LEPR: variants seen among roughly 807,000 people sequenced by gnomAD.
The protein encoded by LEPR is OB receptor.
In LEPR, 56 loss-of-function variants were observed where a neutral mutation model predicts 114.7. The ratio of observed to expected loss-of-function variants is 0.49; its 90% CI spans 0.39 to 0.61. LEPR has a LOEUF of 0.61. LEPR is among the 20% of genes least tolerant of loss of function. The pLI is 0.00. For synonymous variants in LEPR, 443 were observed against 461.4 expected (o/e 0.96, Z 0.51); for missense variants, 1,202 against 1,352.9 (o/e 0.89, Z 1.75).
intron 2 of LEPR, among the ~76,000 whole-genome samples, chr1:65,472,197 A>T (rs6704167): frequency 0.34 from 50,720 of 150,396 alleles, 9,289 homozygotes; most frequent in Middle Eastern, 0.43. Flanking sequence ...CGTTTTTTTT[A>T]AAAAAGCATA....
At chr1:65,626,126 A>G (rs1162146032) in intron 19 of LEPR, 1 of 1,612,150 alleles carries the variant, frequency 6.2e-7, no homozygotes, top group African/African-American at 1.3e-5. Flanking sequence ...TTTCCAGAAA[A>G]TGCCTGGCAC....
chr1:65,521,137 G>A (rs753372926), intron 2 of LEPR, among the ~76,000 whole-genome samples: 10 of 152,334 alleles, frequency 6.6e-5, no homozygotes, highest in African/African-American at 2.2e-4. Flanking sequence ...AGACGATTCC[G>A]ATGATTCTGG....
At chr1:65,518,925 C>CTCTT (rs775418347) in intron 2 of LEPR, among the ~76,000 whole-genome samples, 6 of 124,888 alleles carry the variant, frequency 4.8e-5, no homozygotes, top group African/African-American at 1.8e-4. Flanking sequence ...TTCTCTCTTT[C>CTCTT]TCTGTTTCTT....
At chr1:65,541,472 A>G (rs1651188759) in intron 2 of LEPR, among the ~76,000 whole-genome samples, 1 of 152,064 alleles carries the variant, frequency 6.6e-6, no homozygotes, top group East Asian at 1.9e-4. Context: ...ACTTGAAATT[A>G]TGTTTTCCAA....
intron 1 of LEPR, 90 bp downstream of exon 1, chr1:65,420,830 TGGGG>T: frequency 6.8e-7 from 1 of 1,478,052 alleles, no homozygotes; most frequent in Non-Finnish European, 9.2e-7. Flanking sequence ...CGCGCGCCGT[TGGGG>T]AACGGCCTCA....
intron 11 of LEPR, among the ~76,000 whole-genome samples, chr1:65,606,860 C>T (rs17127767): frequency 1.6e-4 from 24 of 151,948 alleles, no homozygotes; most frequent in African/African-American, 3.4e-4. Flanking sequence ...CTTTACATGA[C>T]GGAAAAAGTT....
chr1:65,507,922 A>C (rs1046759419), intron 2 of LEPR, among the ~76,000 whole-genome samples: 7 of 152,168 alleles, frequency 4.6e-5, no homozygotes, highest in African/African-American at 1.4e-4. Context: ...TTTAATATGC[A>C]TTTCTCTGAT....
At chr1:65,455,695 C>T (rs1232591891) in intron 2 of LEPR, among the ~76,000 whole-genome samples, 1 of 152,218 alleles carries the variant, frequency 6.6e-6, no homozygotes, top group South Asian at 2.1e-4. Context: ...AGCTGTCAGA[C>T]AGGGACATTT....
At chr1:65,453,530 G>A (rs1469005853) in intron 2 of LEPR, among the ~76,000 whole-genome samples, 36 of 151,918 alleles carry the variant, frequency 2.4e-4, no homozygotes, top group African/African-American at 8.0e-4. Flanking sequence ...CCTTCATTTT[G>A]TTATGTACCC....
chr1:65,499,267 A>T (rs1648319594), intron 2 of LEPR, among the ~76,000 whole-genome samples: 1 of 152,174 alleles, frequency 6.6e-6, no homozygotes, highest in Non-Finnish European at 1.5e-5. Flanking sequence ...TAAGTCAAGA[A>T]TATAGCGAGT....
intron 2 of LEPR, among the ~76,000 whole-genome samples, chr1:65,472,411 A>AACACACACACAC (rs71721804): frequency 0.24 from 31,624 of 133,018 alleles, 4,829 homozygotes; most frequent in Non-Finnish European, 0.33. Context: ...CTGTGGCTAA[A>AACACACACACAC]ACACACACAC....
intron 2 of LEPR, among the ~76,000 whole-genome samples, chr1:65,504,647 C>T (rs1470987512): frequency 6.6e-6 from 1 of 152,144 alleles, no homozygotes; most frequent in Non-Finnish European, 1.5e-5. Flanking sequence ...CAAGAGCAGT[C>T]TACGGTGGCA....
Position 65,601,644 on chromosome 1 carries a change from A to G in LEPR, c.1247A>G (p.His416Arg). 6.2e-7 allele frequency: 1 copy of G among 1,613,722 alleles called. No individual in the cohort carries two copies. The highest frequency in any genetic ancestry group is 8.5e-7 in the Non-Finnish European group (1 of 1,179,726). The part of the protein sequence containing the change: ...TYDAVYCCNE[H>R]ECHHRYAELY... ...GATGCAGTGTACTGCTGCAATGAACATGAATGCCATCATCGCTATGCTGAA... is the reference window on the plus strand; with the variant it reads ...GATGCAGTGTACTGCTGCAATGAACGTGAATGCCATCATCGCTATGCTGAA... The change falls in exon 9 of 20, where the codon CAT becomes CGT. Residue 416 changes from histidine (H) to arginine (R), a missense_variant. Transcript: ENST00000349533.
chr1:65,436,687 A>G lies in LEPR; in HGVS notation c.-21+11309A>G, dbSNP rs1646567756. 2.0e-5 allele frequency among the ~76,000 whole-genome samples: 3 copies of G among 152,174 alleles called. No individual in the cohort carries two copies. In the South Asian group the frequency reaches 6.2e-4, roughly 31 times the overall value. On this transcript the variant is annotated intron_variant, in intron 2 of 19. Coordinates refer to ENST00000349533, the MANE Select transcript of LEPR (RefSeq NM_002303.6). ...AATCCTGAGATTGCTCATTTGGAGA[A>G]GAGCACACTTGGAGACTGCACAATC...
chr1:65,590,338 T>G (rs781601437), intron 5 of LEPR, among the ~76,000 whole-genome samples: 1 of 151,210 alleles, frequency 6.6e-6, no homozygotes, highest in Non-Finnish European at 1.5e-5. Context: ...TTGTGACTTC[T>G]GTGGTTTTTC....
At chr1:65,519,201 G>C (rs963253822) in intron 2 of LEPR, among the ~76,000 whole-genome samples, 1 of 147,998 alleles carries the variant, frequency 6.8e-6, no homozygotes, top group East Asian at 2.0e-4. Flanking sequence ...CCAGCCTGGA[G>C]TGCAGTGGTG....
At chr1:65,590,881 G>C (rs1436032576) in intron 5 of LEPR, among the ~76,000 whole-genome samples, 1 of 108,372 alleles carries the variant, frequency 9.2e-6, no homozygotes, top group Non-Finnish European at 1.9e-5. Flanking sequence ...GGTTGAATTT[G>C]CTCTTTTTTT....
At chr1:65,465,577 C>G (rs1647000523) in intron 2 of LEPR, among the ~76,000 whole-genome samples, 1 of 152,136 alleles carries the variant, frequency 6.6e-6, no homozygotes. Flanking sequence ...TTCTGGTTAT[C>G]CTTGGTAACC....
chr1:65,628,482 C>A (rs1658345346), intron 19 of LEPR, among the ~76,000 whole-genome samples: 1 of 152,166 alleles, frequency 6.6e-6, no homozygotes, highest in Non-Finnish European at 1.5e-5. Flanking sequence ...TTTATACTTT[C>A]CTACTTTCAC....
Sources: gnomAD v4.1 joint callset for allele counts (sites outside exome capture counted in the v4.1 genomes callset) on GRCh38, gnomAD v4.1.1 for gene constraint, MANE v1.5 for transcripts, NCBI Gene and HGNC (gene_info 2026-07-23, HGNC 2026-07-21) for gene names.